Variants in LRRC4C observed in about 807,000 individuals in gnomAD.
The protein encoded by LRRC4C is leucine rich repeat containing 4C.
In LRRC4C, 5 loss-of-function variants were observed where a neutral mutation model predicts 33.6. That is an observed-to-expected ratio of 0.15 (90% CI 0.08 to 0.31). LRRC4C has a LOEUF of 0.31. Ranked by LOEUF, LRRC4C falls within the 10% of genes least tolerant of loss-of-function variation. The pLI is 1.00. For missense variants in LRRC4C, 560 were observed against 796.7 expected (o/e 0.70, Z 3.58); for synonymous variants, 329 against 302.0 (o/e 1.09, Z -0.93).
chr11:41,206,835 G>C (rs187594277), intron 1 of LRRC4C, among the ~76,000 whole-genome samples: 202 of 152,176 alleles, frequency 1.3e-3, no homozygotes, highest in Middle Eastern at 6.8e-3. Context: ...TACTGTCATT[G>C]TCACCACCAT....
chr11:41,104,392 TAATTAA>T (rs1941376341), intron 1 of LRRC4C, among the ~76,000 whole-genome samples: 1 of 151,932 alleles, frequency 6.6e-6, no homozygotes, highest in African/African-American at 2.4e-5. Context: ...CAAGGAATGC[TAATTAA>T]AATTATAATA....
intron 3 of LRRC4C, among the ~76,000 whole-genome samples, chr11:40,531,166 C>A (rs976727293): frequency 7.9e-5 from 12 of 152,040 alleles, no homozygotes; most frequent in African/African-American, 2.7e-4. Context: ...AGGTTCACAG[C>A]AAAATTGAGA....
intron 1 of LRRC4C, among the ~76,000 whole-genome samples, chr11:41,301,343 G>A (rs914301235): frequency 1.3e-4 from 20 of 152,166 alleles, no homozygotes; most frequent in African/African-American, 4.3e-4. Context: ...CTAGTTGAAT[G>A]CTTTGTAAAG....
chr11:41,215,014 GTATATATATATA>G (rs34328057), intron 1 of LRRC4C, among the ~76,000 whole-genome samples: 1 of 131,076 alleles, frequency 7.6e-6, no homozygotes, highest in African/African-American at 2.9e-5. Flanking sequence ...TTTTATTCAT[GTATATATATATA>G]TATATATATA....
intron 3 of LRRC4C, among the ~76,000 whole-genome samples, chr11:40,427,648 T>C (rs1406911711): frequency 1.3e-5 from 2 of 152,170 alleles, no homozygotes; most frequent in Non-Finnish European, 1.5e-5. Context: ...GGTAACATGG[T>C]GAAGCCCTGT....
intron 2 of LRRC4C, among the ~76,000 whole-genome samples, chr11:40,744,213 T>C (rs977122680): frequency 1.3e-5 from 2 of 152,070 alleles, no homozygotes; most frequent in Non-Finnish European, 2.9e-5. Flanking sequence ...AAATATTTAG[T>C]GTGTCAGATG....
chr11:41,238,457 T>C lies in LRRC4C; in HGVS notation c.-496+220974A>G, dbSNP rs534413497. Among the ~76,000 whole-genome samples the C allele has an allele frequency of 4.6e-5, 7 of 152,322 alleles. No individual in the cohort carries two copies. The East Asian group carries it at 1.4e-3, about 29-fold the overall frequency. ...AGATAGTTACTATTAATACTTGTAT[T>C]TGCAGATGAAGATACTCAGCTTTGG... On this transcript the variant is annotated intron_variant, in intron 1 of 6. Transcript: ENST00000528697.
At chr11:41,284,957 T>C (rs1341842377) in intron 1 of LRRC4C, among the ~76,000 whole-genome samples, 1 of 152,208 alleles carries the variant, frequency 6.6e-6, no homozygotes, top group Non-Finnish European at 1.5e-5. Flanking sequence ...GGCAGGGGAT[T>C]AGGGCTCTAA....
chr11:40,767,312 C>A (rs982351378), intron 2 of LRRC4C, among the ~76,000 whole-genome samples: 1 of 151,848 alleles, frequency 6.6e-6, no homozygotes, highest in African/African-American at 2.4e-5. Context: ...CAATGGATCA[C>A]CCAGATATAT....
At chr11:41,056,882 C>A (rs561066170) in intron 1 of LRRC4C, among the ~76,000 whole-genome samples, 1 of 152,198 alleles carries the variant, frequency 6.6e-6, no homozygotes, top group African/African-American at 2.4e-5. Context: ...TTGGCCAGGG[C>A]TGCTGCATGC....
intron 4 of LRRC4C, among the ~76,000 whole-genome samples, chr11:40,275,712 G>T (rs923999047): frequency 6.6e-6 from 1 of 152,074 alleles, no homozygotes; most frequent in Admixed American, 6.6e-5. Flanking sequence ...GGAGTCTATG[G>T]GGTTATCTAT....
At chr11:40,731,939 T>C (rs1170990885) in intron 2 of LRRC4C, among the ~76,000 whole-genome samples, 2 of 151,994 alleles carry the variant, frequency 1.3e-5, no homozygotes, top group Non-Finnish European at 2.9e-5. Context: ...ATATAAACAC[T>C]AAATAGATGT....
At chr11:40,840,946 T>C (rs1479232966) in intron 2 of LRRC4C, among the ~76,000 whole-genome samples, 1 of 152,202 alleles carries the variant, frequency 6.6e-6, no homozygotes, top group African/African-American at 2.4e-5. Flanking sequence ...TTAGAATTGA[T>C]AAACAAAAAG....
chr11:40,357,112 A>G (rs1478506668), intron 3 of LRRC4C, among the ~76,000 whole-genome samples: 2 of 152,200 alleles, frequency 1.3e-5, no homozygotes, highest in South Asian at 2.1e-4. Flanking sequence ...AGGTTAAAAT[A>G]TTAAGAAATT....
At chr11:40,703,080 G>T (rs965145622) in intron 2 of LRRC4C, among the ~76,000 whole-genome samples, 5 of 151,938 alleles carry the variant, frequency 3.3e-5, no homozygotes, top group Non-Finnish European at 5.9e-5. Context: ...TTTTTTAATA[G>T]GGGGCAATTT....
intron 1 of LRRC4C, among the ~76,000 whole-genome samples, chr11:41,456,813 A>G (rs936182757): frequency 6.6e-6 from 1 of 152,122 alleles, no homozygotes; most frequent in Non-Finnish European, 1.5e-5. Flanking sequence ...AAACTGAAAA[A>G]GGCATGGATC....
chr11:40,256,182 G>A (rs540753946), intron 4 of LRRC4C, among the ~76,000 whole-genome samples: 49 of 152,314 alleles, frequency 3.2e-4, no homozygotes, highest in African/African-American at 1.1e-3. Context: ...GAGAATGAGG[G>A]TAAATATTTG....
intron 3 of LRRC4C, among the ~76,000 whole-genome samples, chr11:40,629,389 T>C (rs1227231818): frequency 1.3e-5 from 2 of 152,168 alleles, no homozygotes; most frequent in African/African-American, 4.8e-5. Flanking sequence ...AGCATAATTG[T>C]CCAAACTGGA....
intron 1 of LRRC4C, among the ~76,000 whole-genome samples, chr11:41,381,401 G>A (rs1953143511): frequency 6.6e-6 from 1 of 152,090 alleles, no homozygotes; most frequent in African/African-American, 2.4e-5. Flanking sequence ...GCCGAGGCGG[G>A]CAGATCACGA....
Sources: gnomAD v4.1 joint callset for allele counts (sites outside exome capture counted in the v4.1 genomes callset) on GRCh38, gnomAD v4.1.1 for gene constraint, MANE v1.5 for transcripts, NCBI Gene and HGNC (gene_info 2026-07-23, HGNC 2026-07-21) for gene names.